TDRD7: variants seen among roughly 807,000 people sequenced by gnomAD.
TDRD7 encodes the protein tudor domain-containing protein 7.
A neutral mutation model predicts 109.8 loss-of-function variants in TDRD7; 47 were observed. The ratio of observed to expected loss-of-function variants is 0.43; its 90% CI spans 0.34 to 0.55. The LOEUF (loss-of-function observed/expected upper bound fraction) is 0.55, where lower values mean the gene tolerates loss of function less well. TDRD7 is among the 20% of genes least tolerant of loss of function. TDRD7 has a pLI of 0.03. For missense variants in TDRD7, 1,164 were observed against 1,319.2 expected, an observed-to-expected ratio of 0.88 and a Z score of 1.82; for synonymous variants, 424 against 457.3, an observed-to-expected ratio of 0.93 and a Z score of 0.93.
chr9:97,457,237 A>G (rs1480748259), intron 6 of TDRD7, among the ~76,000 whole-genome samples: 1 of 152,166 alleles, frequency 6.6e-6, no homozygotes, highest in Admixed American at 6.5e-5. Flanking sequence ...AATTAGTTCA[A>G]CTGTTGTGGA....
At chr9:97,486,913 C>G (rs1177825650) in intron 15 of TDRD7, among the ~76,000 whole-genome samples, 1 of 152,180 alleles carries the variant, frequency 6.6e-6, no homozygotes, top group Non-Finnish European at 1.5e-5. Context: ...ATGTCTCTTT[C>G]CTTCACTAAC....
At chr9:97,423,857 A>G (rs530992932) in intron 1 of TDRD7, among the ~76,000 whole-genome samples, 24 of 152,128 alleles carry the variant, frequency 1.6e-4, no homozygotes, top group African/African-American at 5.3e-4. Flanking sequence ...TGTTCTATTC[A>G]CAGAATATAC....
At chr9:97,454,871 C>CA (rs1019989962) in intron 6 of TDRD7, among the ~76,000 whole-genome samples, 9 of 151,880 alleles carry the variant, frequency 5.9e-5, no homozygotes, top group African/African-American at 1.7e-4. Flanking sequence ...AAAAACCCTC[C>CA]AAAAAATCGA....
At chr9:97,421,696 TTTTGTGTGTG>T (rs1204571441) in intron 1 of TDRD7, among the ~76,000 whole-genome samples, 10 of 119,388 alleles carry the variant, frequency 8.4e-5, no homozygotes, top group Non-Finnish European at 1.2e-4. Flanking sequence ...TATGCCCAGC[TTTTGTGTGTG>T]TGTGTGTGTG....
intron 13 of TDRD7, among the ~76,000 whole-genome samples, chr9:97,480,036 G>T (rs576023858): frequency 6.6e-6 from 1 of 152,196 alleles, no homozygotes; most frequent in Non-Finnish European, 1.5e-5. Flanking sequence ...AGCCAGCAGA[G>T]CAAGGAAAGG....
intron 16 of TDRD7, among the ~76,000 whole-genome samples, chr9:97,494,717 T>A (rs1829367244): frequency 2.4e-5 from 2 of 82,156 alleles, no homozygotes; most frequent in South Asian, 8.6e-4. Context: ...TATATATTTT[T>A]TTTTTTTTCG....
At chr9:97,493,688 G>T (rs1404248307) in intron 16 of TDRD7, among the ~76,000 whole-genome samples, 7 of 152,162 alleles carry the variant, frequency 4.6e-5, no homozygotes, top group Non-Finnish European at 1.5e-5. Flanking sequence ...GGAGACTGGG[G>T]CTTATTTCAT....
chr9:97,417,445 C>G (rs979207759), intron 1 of TDRD7, among the ~76,000 whole-genome samples: 2 of 152,120 alleles, frequency 1.3e-5, no homozygotes, highest in African/African-American at 2.4e-5. Flanking sequence ...AGCTAAGAGC[C>G]CAGCTGCTCT....
At chr9:97,416,584 G>T (rs1428935788) in intron 1 of TDRD7, among the ~76,000 whole-genome samples, 1 of 152,136 alleles carries the variant, frequency 6.6e-6, no homozygotes, top group Non-Finnish European at 1.5e-5. Context: ...GCCTAATCTG[G>T]CTCAGAGTGG....
intron 4 of TDRD7, among the ~76,000 whole-genome samples, chr9:97,438,735 T>C (rs1017830011): frequency 4.6e-5 from 7 of 152,186 alleles, no homozygotes; most frequent in African/African-American, 1.7e-4. Flanking sequence ...CCCTCACCTG[T>C]CTGTTTTGAA....
chr9:97,494,712 ATTTTT>A lies in TDRD7; in HGVS notation c.3077-942_3077-938del, dbSNP rs796852536. 0.012 allele frequency among the ~76,000 whole-genome samples: 884 copies of A among 73,498 alleles called. 33 individuals carry two copies. In the East Asian group the frequency reaches 0.15, roughly 12 times the overall value. 48.2% of individuals were successfully genotyped at this position (73,498 alleles called of 152,430 possible). ...TATATATGTATATATATATATATAT[ATTTTT>A]TTTTTTTTCGAGAGGGTCTCACTTT... On this transcript the variant is annotated intron_variant, in intron 16 of 16. Transcript: ENST00000355295.
rs373486700 is a variant in TDRD7 at position 97,412,162 on chromosome 9, G to C, written c.-83G>C. Reference sequence around the variant, plus strand: ...GAAACCGAAAGTGGGCGGCGGCCGCGGCGGGGCCCCTGGCGGAGACGGCGG... The same window carrying C: ...GAAACCGAAAGTGGGCGGCGGCCGCCGCGGGGCCCCTGGCGGAGACGGCGG... On this transcript the variant is annotated 5_prime_UTR_variant, in exon 1 of 17. Coordinates refer to ENST00000355295, the MANE Select transcript of TDRD7 (RefSeq NM_014290.3). The surrounding 1 kb of genome is among the most constrained non-coding windows in gnomAD (Gnocchi z 4.3). The C allele has an allele frequency of 4.2e-3, 649 of 154,410 alleles. 9 individuals carry two copies. The highest frequency in any genetic ancestry group is 0.029 in the East Asian group (149 of 5,226). The allele number at this position is 154,410 out of a possible 1,614,324, so 9.6% of individuals were successfully genotyped here.
intron 7 of TDRD7, among the ~76,000 whole-genome samples, chr9:97,461,592 TA>T (rs1275142472): frequency 1.3e-5 from 2 of 152,226 alleles, no homozygotes; most frequent in Non-Finnish European, 2.9e-5. Flanking sequence ...CAAAAAACAG[TA>T]CAGCTCCAGG....
rs539734705 is a variant in TDRD7 at position 97,472,064 on chromosome 9, G to T, written c.1742-229G>T. ...TGATTGATTATCCGTTTCTCTGCTT[G>T]TTTTAAGATTGCCTGCCTTAGTGTA... On this transcript the variant is annotated intron_variant, in intron 9 of 16. Coordinates refer to ENST00000355295, the MANE Select transcript of TDRD7 (RefSeq NM_014290.3). 3.3e-5 allele frequency among the ~76,000 whole-genome samples: 5 copies of T among 152,092 alleles called. No individual in the cohort carries two copies. The East Asian group carries it at 9.7e-4, about 29-fold the overall frequency.
chr9:97,459,467 T>G (rs1031817187), intron 6 of TDRD7, among the ~76,000 whole-genome samples: 1 of 152,214 alleles, frequency 6.6e-6, no homozygotes. Flanking sequence ...GGCTTAAAAC[T>G]CAGGGAGAAA....
At chr9:97,465,094 TA>T in intron 8 of TDRD7, 66 bp downstream of exon 8, 3 of 1,528,800 alleles carry the variant, frequency 2.0e-6, no homozygotes, top group Middle Eastern at 1.7e-4. Flanking sequence ...CAAATGTAAA[TA>T]TTTTTTACAT....
rs774468338 is a variant in TDRD7, at chr9:97,483,099, C to G, written c.2663C>G (p.Ser888Cys). 6.2e-7 allele frequency: 1 copy of G among 1,614,136 alleles called. No individual in the cohort carries two copies. The highest frequency in any genetic ancestry group is 1.1e-5 in the South Asian group (1 of 91,078). ...RKNLTDVIKK[S>C]MVDHTSAFST... ...AACCTCACAGATGTCATCAAAAAGT[C>G]CATGGTGGACCATACGAGCGCTTTC... The change falls in exon 15 of 17, where the codon TCC (serine) becomes TGC (cysteine). Residue 888 changes from serine to cysteine, a missense_variant. Around this residue, in one of 5 missense-constraint regions of TDRD7, gnomAD observed 233 missense variants for 218.0 expected, o/e 1.07. Coordinates refer to ENST00000355295, the MANE Select transcript of TDRD7 (RefSeq NM_014290.3).
intron 1 of TDRD7, among the ~76,000 whole-genome samples, chr9:97,413,882 GCTGAATGAA>G (rs1459454868): frequency 6.6e-6 from 1 of 152,148 alleles, no homozygotes; most frequent in Non-Finnish European, 1.5e-5. Context: ...GTTGAACATG[GCTGAATGAA>G]CTATTGTATT....
chr9:97,491,661 G>C (rs1366136142), intron 16 of TDRD7, among the ~76,000 whole-genome samples: 1 of 152,126 alleles, frequency 6.6e-6, no homozygotes, highest in Non-Finnish European at 1.5e-5. Context: ...CCTAGCTTAG[G>C]TGGAGCAGGA....
Sources: gnomAD v4.1 joint callset for allele counts (sites outside exome capture counted in the v4.1 genomes callset) on GRCh38, gnomAD v4.1.1 for gene constraint, gnomAD v4.1.1 regional missense constraint, Gnocchi (gnomAD v3.1) non-coding constraint, MANE v1.5 for transcripts, NCBI Gene and HGNC (gene_info 2026-07-23, HGNC 2026-07-21) for gene names.